The following LY86 variants were observed in gnomAD, a reference collection of about 807,000 sequenced individuals.
The protein encoded by LY86 is MD-1, RP105-associated.
Under a neutral mutation model 17.3 loss-of-function variants are expected in LY86, and 20 were observed. That is an observed-to-expected ratio of 1.15 (90% confidence interval 0.81 to 1.68). LY86 has a LOEUF of 1.68. Ranked by LOEUF, LY86 falls within the 40% of genes most tolerant of loss-of-function variation. The pLI, the probability that LY86 is intolerant of heterozygous loss-of-function variation, is 0.00. For missense variants in LY86, 200 were observed against 191.9 expected (o/e 1.04, Z -0.25); for synonymous variants, 74 against 70.6 (o/e 1.05, Z -0.24).
intron 1 of LY86, among the ~76,000 whole-genome samples, chr6:6,614,069 C>T (rs545800093): frequency 2.0e-5 from 3 of 152,304 alleles, no homozygotes; most frequent in African/African-American, 7.2e-5. Context: ...TTCCCGTGTT[C>T]AGGAACACAG....
rs897166578 is a variant in LY86, at chr6:6,613,095, T to C, written c.137-11831T>C. ...AGAGTAGCCAGATACAGAGTGTGGATTGGTGCATTCACAAACCCTGAGCTA... is the reference window on the plus strand; with the variant it reads ...AGAGTAGCCAGATACAGAGTGTGGACTGGTGCATTCACAAACCCTGAGCTA... On this transcript the variant is annotated intron_variant, in intron 1 of 4. Coordinates refer to ENST00000230568, the MANE Select transcript of LY86 (RefSeq NM_004271.4). Among the ~76,000 whole-genome samples, 5 of 152,192 alleles carry C rather than the reference T, an allele frequency of 3.3e-5. No individual in the cohort carries two copies. In the South Asian group the frequency reaches 6.2e-4, roughly 19 times the overall value.
intron 1 of LY86, among the ~76,000 whole-genome samples, chr6:6,605,659 C>T (rs1404648754): frequency 3.3e-5 from 5 of 152,244 alleles, no homozygotes; most frequent in Non-Finnish European, 7.3e-5. Context: ...TCTACTGTGT[C>T]TGGAATTGAT....
intron 1 of LY86, among the ~76,000 whole-genome samples, chr6:6,598,293 A>AT (rs554257142): frequency 1.3e-5 from 2 of 151,858 alleles, no homozygotes; most frequent in Non-Finnish European, 2.9e-5. Flanking sequence ...TATTCAACTC[A>AT]TTTTTTTTCT....
chr6:6,643,560 G>A (rs1762068791), intron 3 of LY86, among the ~76,000 whole-genome samples: 1 of 152,218 alleles, frequency 6.6e-6, no homozygotes, highest in South Asian at 2.1e-4. Context: ...GTTAGAGGAT[G>A]AGTAAGTTCT....
At chr6:6,592,557 G>A (rs1211451193) in intron 1 of LY86, among the ~76,000 whole-genome samples, 4 of 152,232 alleles carry the variant, frequency 2.6e-5, no homozygotes, top group African/African-American at 4.8e-5. Flanking sequence ...GCTATGGACT[G>A]AATGTTTGTG....
chr6:6,644,787 G>A (rs886703539), intron 3 of LY86, among the ~76,000 whole-genome samples: 7 of 152,110 alleles, frequency 4.6e-5, no homozygotes, highest in Non-Finnish European at 8.8e-5. Flanking sequence ...CAAATATACT[G>A]GGGCTCTTTT....
intron 3 of LY86, among the ~76,000 whole-genome samples, chr6:6,633,954 T>C (rs1191128727): frequency 6.6e-6 from 1 of 152,200 alleles, no homozygotes; most frequent in Non-Finnish European, 1.5e-5. Flanking sequence ...AGAGTATCTG[T>C]AGGTCAAGGA....
At chr6:6,593,554 G>A (rs1216808913) in intron 1 of LY86, among the ~76,000 whole-genome samples, 1 of 152,224 alleles carries the variant, frequency 6.6e-6, no homozygotes, top group South Asian at 2.1e-4. Flanking sequence ...CTATATGAAA[G>A]GTGCTTAGCA....
intron 1 of LY86, among the ~76,000 whole-genome samples, chr6:6,609,440 G>A (rs919068759): frequency 6.6e-6 from 1 of 152,216 alleles, no homozygotes; most frequent in African/African-American, 2.4e-5. Flanking sequence ...TCTTTAGGAA[G>A]GAAGCCTGGG....
chr6:6,651,769 T>A (rs1762189996), intron 4 of LY86, among the ~76,000 whole-genome samples: 1 of 152,040 alleles, frequency 6.6e-6, no homozygotes, highest in Non-Finnish European at 1.5e-5. Flanking sequence ...GAAAGTAAGT[T>A]GAGAGGCCAG....
intron 3 of LY86, among the ~76,000 whole-genome samples, chr6:6,627,558 T>C (rs543009176): frequency 1.4e-4 from 21 of 152,304 alleles, no homozygotes; most frequent in African/African-American, 4.6e-4. Context: ...CTGCCGTGTA[T>C]CTTCCACATT....
intron 3 of LY86, among the ~76,000 whole-genome samples, chr6:6,627,668 C>G (rs1163852936): frequency 6.6e-6 from 1 of 152,190 alleles, no homozygotes; most frequent in East Asian, 1.9e-4. Flanking sequence ...AATACAGACA[C>G]ACGCAGAGCA....
intron 1 of LY86, among the ~76,000 whole-genome samples, chr6:6,603,179 CTGA>C (rs1237489601): frequency 1.3e-5 from 2 of 152,040 alleles, no homozygotes. Context: ...CCCTCATGAC[CTGA>C]TGATGTCCCA....
At chr6:6,628,530 TTCTCTCTCTGTCTCTCTGTCTGTC>T (rs1761842318) in intron 3 of LY86, among the ~76,000 whole-genome samples, 1 of 151,962 alleles carries the variant, frequency 6.6e-6, no homozygotes. Context: ...AAGTATCCCT[TTCTCTCTCTGTCTCTCTGTCTGTC>T]TCTCTCTCTG....
intron 3 of LY86, among the ~76,000 whole-genome samples, chr6:6,628,306 C>T (rs1581248179): frequency 7.5e-6 from 1 of 132,666 alleles, no homozygotes; most frequent in Non-Finnish European, 1.6e-5. Flanking sequence ...CCCCTTCTTC[C>T]TTCTCTCCCT....
chr6:6,645,364 G>T (rs1339289120), intron 3 of LY86, among the ~76,000 whole-genome samples: 3 of 152,076 alleles, frequency 2.0e-5, no homozygotes, highest in African/African-American at 7.2e-5. Context: ...CTGCTCAGCG[G>T]CTTTACACAC....
chr6:6,612,887 T>C (rs1160417745), intron 1 of LY86, among the ~76,000 whole-genome samples: 1 of 151,340 alleles, frequency 6.6e-6, no homozygotes, highest in Non-Finnish European at 1.5e-5. Flanking sequence ...TAGCTAGACA[T>C]AAAGGTTCTC....
intron 4 of LY86, 84 bp from the exon 5 acceptor site, chr6:6,654,460 A>C: frequency 9.5e-7 from 1 of 1,051,734 alleles, no homozygotes. Flanking sequence ...CACCCAGCAC[A>C]TAAAAGTTTC....
At chr6:6,606,381 C>G (rs1192375352) in intron 1 of LY86, among the ~76,000 whole-genome samples, 5 of 152,304 alleles carry the variant, frequency 3.3e-5, no homozygotes, top group African/African-American at 4.8e-5. Flanking sequence ...CCAAGTCCCC[C>G]CCAGACTCAG....
Sources: gnomAD v4.1 joint callset for allele counts (sites outside exome capture counted in the v4.1 genomes callset) on GRCh38, gnomAD v4.1.1 for gene constraint, MANE v1.5 for transcripts, NCBI Gene and HGNC (gene_info 2026-07-23, HGNC 2026-07-21) for gene names.